The following ZCCHC14 variants were observed in gnomAD, a reference collection of about 807,000 sequenced individuals.
ZCCHC14 encodes the protein zinc finger CCHC-type containing 14, also known as zinc finger CCHC domain-containing protein 14.
Under a neutral mutation model 85.0 loss-of-function variants are expected in ZCCHC14, and 16 were observed. The ratio of observed to expected loss-of-function variants is 0.19; its 90% CI spans 0.13 to 0.29. ZCCHC14 has a LOEUF of 0.29. Ranked by LOEUF, ZCCHC14 falls within the 10% of genes least tolerant of loss-of-function variation. The pLI, the probability that ZCCHC14 is intolerant of heterozygous loss-of-function variation, is 1.00. For missense variants in ZCCHC14, 1,303 were observed against 1,443.5 expected, an observed-to-expected ratio of 0.90 and a Z score of 1.58; for synonymous variants, 775 against 630.7, an observed-to-expected ratio of 1.23 and a Z score of -3.43.
At chr16:87,467,184 G>T in intron 1 of ZCCHC14, 1 of 1,398,384 alleles carries the variant, frequency 7.2e-7, no homozygotes, top group Non-Finnish European at 1.0e-6. Flanking sequence ...TCCTCTGGCG[G>T]GAGAAGACTA....
intron 2 of ZCCHC14, among the ~76,000 whole-genome samples, chr16:87,434,073 C>G (rs1222232326): frequency 6.6e-6 from 1 of 152,198 alleles, no homozygotes; most frequent in Non-Finnish European, 1.5e-5. Context: ...GTGAATGAAG[C>G]TGCACGGGAT....
In ZCCHC14 at chr16:87,477,139, A is replaced by C. The variant is rs868760467; in HGVS notation, c.570+14530T>G. 6.5e-3 allele frequency among the ~76,000 whole-genome samples: 657 copies of C among 101,672 alleles called. 49 individuals carry two copies. The highest frequency in any genetic ancestry group is 0.026 in the African/African-American group (599 of 23,380). The allele number at this position is 101,672 out of a possible 152,430, so 66.7% of individuals were successfully genotyped here. On this transcript the variant is annotated intron_variant, in intron 1 of 12. Transcript: ENST00000671377. ...CAGTCTCAAAAAAAAAAAAAAAAAA[A>C]AACAAAACAAAACCAAAAAAAAATT...
At chr16:87,415,888 T>C (rs1271198889) in intron 8 of ZCCHC14, among the ~76,000 whole-genome samples, 1 of 150,524 alleles carries the variant, frequency 6.6e-6, no homozygotes, top group African/African-American at 2.4e-5. Context: ...TCTTCCTTTT[T>C]TTGAGACAAA....
intron 3 of ZCCHC14, among the ~76,000 whole-genome samples, chr16:87,425,583 A>AAAG (rs1909329161): frequency 2.0e-5 from 3 of 151,830 alleles, no homozygotes; most frequent in African/African-American, 7.3e-5. Flanking sequence ...TCAAAAAAAA[A>AAAG]AAAGAAAGAA....
intron 7 of ZCCHC14, among the ~76,000 whole-genome samples, chr16:87,418,225 A>G (rs1908897615): frequency 6.6e-6 from 1 of 152,234 alleles, no homozygotes; most frequent in Admixed American, 6.5e-5. Flanking sequence ...TTTAATGTTC[A>G]AATACAATTT....
rs563742334 is a variant in ZCCHC14 at position 87,491,486 on chromosome 16, G to A, written c.570+183C>T. Reference sequence around the variant, plus strand: ...GCACACATTTGGGGTGCGACATAGAGGCTTAGGATGGGGCTTGGGATACGG... The same window carrying A: ...GCACACATTTGGGGTGCGACATAGAAGCTTAGGATGGGGCTTGGGATACGG... On this transcript the variant is annotated intron_variant, in intron 1 of 12. Coordinates refer to ENST00000671377, the MANE Select transcript of ZCCHC14 (RefSeq NM_015144.3). This position sits in a 1 kb window ranked among gnomAD's most constrained non-coding sequence, Gnocchi z 5.9. 3.0e-4 allele frequency among the ~76,000 whole-genome samples: 46 copies of A among 152,126 alleles called. 2 individuals carry two copies. In the South Asian group the frequency reaches 8.7e-3, roughly 29 times the overall value.
chr16:87,475,237 A>T (rs1244275862), intron 1 of ZCCHC14, among the ~76,000 whole-genome samples: 2 of 152,136 alleles, frequency 1.3e-5, no homozygotes, highest in Non-Finnish European at 2.9e-5. Context: ...TCAAGAGAGA[A>T]AGAGAACATT....
chr16:87,471,107 C>G (rs1001909632), intron 1 of ZCCHC14: 2 of 152,024 alleles, frequency 1.3e-5, no homozygotes, highest in South Asian at 4.1e-4. Context: ...CCCCCACAAA[C>G]AAAATACAGT....
intron 3 of ZCCHC14, among the ~76,000 whole-genome samples, chr16:87,432,597 C>T (rs1429903488): frequency 6.6e-6 from 1 of 152,144 alleles, no homozygotes; most frequent in Non-Finnish European, 1.5e-5. Flanking sequence ...TGGCCTCCTG[C>T]ACGCCCTGCT....
Position 87,407,502 on chromosome 16 carries a change from T to C in ZCCHC14, c.*2778A>G, listed in dbSNP as rs1057418243. ...AAAATAAGGTAGAAAACTGAGTGTT[T>C]TGCTTAAAAAATAAAAAAGGATTAA... On this transcript the variant is annotated 3_prime_UTR_variant, in exon 13 of 13. Transcript: ENST00000671377. 6.6e-6 allele frequency: 1 copy of C among 152,184 alleles called. No homozygotes were observed. Among genetic ancestry groups the C allele is most frequent in the Non-Finnish European group, 1.5e-5 (1 of 68,028 alleles). The allele number at this position is 152,184 out of a possible 1,614,324, so 9.4% of individuals were successfully genotyped here. A position where few individuals can be genotyped will look rare whatever the true frequency, so the allele number is the denominator to read the frequency against.
intron 2 of ZCCHC14, among the ~76,000 whole-genome samples, chr16:87,459,234 C>T (rs1567533243): frequency 6.6e-6 from 1 of 152,182 alleles, no homozygotes; most frequent in Non-Finnish European, 1.5e-5. Flanking sequence ...CAACTCAGTG[C>T]AGGTGGAAAA....
At chr16:87,422,346 C>G (rs1178563676) in intron 4 of ZCCHC14, among the ~76,000 whole-genome samples, 3 of 152,030 alleles carry the variant, frequency 2.0e-5, no homozygotes, top group Non-Finnish European at 4.4e-5. Context: ...GCGGCAGCAC[C>G]AGGGGTCTGA....
At chr16:87,416,030 A>T (rs1391050535) in intron 8 of ZCCHC14, among the ~76,000 whole-genome samples, 2 of 151,906 alleles carry the variant, frequency 1.3e-5, no homozygotes, top group Admixed American at 1.3e-4. Flanking sequence ...GGGTTCAAGT[A>T]ATTCTCTGCC....
In ZCCHC14 at chr16:87,492,251, G is replaced by T. The variant is rs1334828149; in HGVS notation, c.-13C>A. 1.0e-6 allele frequency: 1 copy of T among 981,466 alleles called. No homozygotes were observed. The highest frequency in any genetic ancestry group is 1.2e-6 in the Non-Finnish European group (1 of 828,668). 60.8% of individuals were successfully genotyped at this position (981,466 alleles called of 1,614,324 possible). A position where few individuals can be genotyped will look rare whatever the true frequency, so the allele number is the denominator to read the frequency against. Reference sequence around the variant, plus strand: ...GCTTCTCCACCATGCTGCCGCCCGCGCCGCGCCGCGACCCGGGGCCGGGGA... The same window carrying T: ...GCTTCTCCACCATGCTGCCGCCCGCTCCGCGCCGCGACCCGGGGCCGGGGA... On this transcript the variant is annotated 5_prime_UTR_variant, in exon 1 of 13. Coordinates refer to ENST00000671377, the MANE Select transcript of ZCCHC14 (RefSeq NM_015144.3). The surrounding 1 kb of genome is among the most constrained non-coding windows in gnomAD (Gnocchi z 6.7).
intron 2 of ZCCHC14, among the ~76,000 whole-genome samples, chr16:87,437,398 G>A (rs1437387806): frequency 6.7e-6 from 1 of 149,246 alleles, no homozygotes; most frequent in African/African-American, 2.5e-5. Context: ...TCACCTGAGA[G>A]AGCAGAGCCA....
chr16:87,465,934 G>A (rs1567536964), intron 1 of ZCCHC14, among the ~76,000 whole-genome samples: 2 of 152,130 alleles, frequency 1.3e-5, no homozygotes, highest in Admixed American at 6.6e-5. Flanking sequence ...GATTACAGGC[G>A]TGAGCCACCG....
At chr16:87,467,492 CTA>C in intron 1 of ZCCHC14, 1 of 1,606,478 alleles carries the variant, frequency 6.2e-7, no homozygotes, top group South Asian at 1.1e-5. Flanking sequence ...AGATGTACCA[CTA>C]TGACATGAAT....
At chr16:87,419,167 C>G (rs1046989270) in intron 6 of ZCCHC14, among the ~76,000 whole-genome samples, 26 of 146,480 alleles carry the variant, frequency 1.8e-4, no homozygotes, top group African/African-American at 6.6e-4. Context: ...CTTGCTCTGT[C>G]AACCATGCTG....
At chr16:87,432,738 T>A (rs1050252236) in intron 3 of ZCCHC14, among the ~76,000 whole-genome samples, 1 of 152,322 alleles carries the variant, frequency 6.6e-6, no homozygotes. Context: ...CATCTGAACG[T>A]GTCAGTTTAA....
Sources: allele counts gnomAD v4.1 joint callset (sites outside exome capture counted in the v4.1 genomes callset), GRCh38; gene constraint gnomAD v4.1.1; non-coding constraint Gnocchi (gnomAD v3.1); transcripts MANE v1.5; gene names NCBI Gene and HGNC (gene_info 2026-07-23, HGNC 2026-07-21).